Variants in GRM5 observed in about 807,000 individuals in gnomAD.
The protein encoded by GRM5 is glutamate metabotropic receptor 5, also known as metabotropic glutamate receptor 5.
A neutral mutation model predicts 83.1 loss-of-function variants in GRM5; 19 were observed. That is an observed-to-expected ratio of 0.23 (90% CI 0.16 to 0.34). GRM5 has a LOEUF of 0.34. Among genes scored for constraint, GRM5 ranks in the 10% least tolerant of loss-of-function variants. GRM5 has a pLI of 1.00. For missense variants in GRM5, 1,160 were observed against 1,588.3 expected, an observed-to-expected ratio of 0.73 and a Z score of 4.58; for synonymous variants, 675 against 633.6, an observed-to-expected ratio of 1.07 and a Z score of -0.98.
intron 2 of GRM5, among the ~76,000 whole-genome samples, chr11:88,992,277 C>T (rs1237952864): frequency 1.3e-5 from 2 of 152,044 alleles, no homozygotes; most frequent in Non-Finnish European, 2.9e-5. Context: ...TTCTCATCAT[C>T]ACTGGCCATC....
chr11:88,604,989 G>A (rs1241056370), intron 4 of GRM5, 25 bp from the exon 5 acceptor site: 2 of 1,594,986 alleles, frequency 1.3e-6, no homozygotes, highest in East Asian at 2.2e-5. Context: ...ATTAAGCATA[G>A]CTTTGAGGTA....
chr11:89,018,508 A>G lies in GRM5; in HGVS notation c.661+28704T>C, dbSNP rs546337069. ...TATTTGTTCTAACATTGATTTATTCAATATTTTTAAAAATTTATTCTACTA... is the reference window on the plus strand; with the variant it reads ...TATTTGTTCTAACATTGATTTATTCGATATTTTTAAAAATTTATTCTACTA... On this transcript the variant is annotated intron_variant, in intron 2 of 9. Transcript: ENST00000305447. Among the ~76,000 whole-genome samples the G allele has an allele frequency of 2.6e-5, 4 of 152,308 alleles. No homozygotes were observed. The South Asian group carries it at 8.3e-4, about 32-fold the overall frequency.
chr11:88,832,250 T>G (rs11021515), intron 3 of GRM5, among the ~76,000 whole-genome samples: 3,879 of 152,242 alleles, frequency 0.025, 172 homozygotes, highest in African/African-American at 0.089. Context: ...CAAAAACCTT[T>G]TAGATCTAAT....
At chr11:88,622,378 T>A (rs1376601037) in intron 4 of GRM5, among the ~76,000 whole-genome samples, 1 of 152,240 alleles carries the variant, frequency 6.6e-6, no homozygotes, top group Non-Finnish European at 1.5e-5. Context: ...TCTGACTCTT[T>A]CAACTATGCT....
chr11:88,653,999 A>G (rs1459776431), intron 3 of GRM5, among the ~76,000 whole-genome samples: 3 of 152,098 alleles, frequency 2.0e-5, no homozygotes, highest in Non-Finnish European at 4.4e-5. Context: ...TCCATAGTCC[A>G]TACACTATTT....
At chr11:88,763,128 G>A (rs559345990) in intron 3 of GRM5, among the ~76,000 whole-genome samples, 3 of 151,942 alleles carry the variant, frequency 2.0e-5, no homozygotes, top group South Asian at 2.1e-4. Context: ...CATGACACGA[G>A]TTTACCTATA....
chr11:88,989,507 G>A (rs372237893), intron 2 of GRM5, among the ~76,000 whole-genome samples: 2,036 of 128,244 alleles, frequency 0.016, 56 homozygotes, highest in African/African-American at 0.057. Flanking sequence ...TGCACCAAGC[G>A]GACCTAATAG....
intron 4 of GRM5, among the ~76,000 whole-genome samples, chr11:88,606,954 T>G (rs1033675804): frequency 4.0e-5 from 6 of 151,854 alleles, no homozygotes; most frequent in African/African-American, 1.5e-4. Context: ...TTTTTTTTTT[T>G]TTTTCAACAA....
intron 2 of GRM5, among the ~76,000 whole-genome samples, chr11:88,995,482 T>G (rs1199536922): frequency 1.4e-5 from 2 of 142,980 alleles, no homozygotes; most frequent in Non-Finnish European, 3.0e-5. Flanking sequence ...GAGGTAGAGG[T>G]TGCAATGAGC....
At chr11:88,820,593 C>T (rs1351365211) in intron 3 of GRM5, among the ~76,000 whole-genome samples, 1 of 152,132 alleles carries the variant, frequency 6.6e-6, no homozygotes, top group Non-Finnish European at 1.5e-5. Context: ...GGGCAAATAG[C>T]TTTGCCTCTC....
intron 7 of GRM5, among the ~76,000 whole-genome samples, chr11:88,584,491 T>G (rs1943274665): frequency 6.6e-6 from 1 of 152,162 alleles, no homozygotes; most frequent in Admixed American, 6.5e-5. Context: ...TGGAGTGCAG[T>G]GGCATGATCT....
chr11:88,648,819 T>C (rs1939540876), intron 4 of GRM5, among the ~76,000 whole-genome samples: 1 of 151,742 alleles, frequency 6.6e-6, no homozygotes. Context: ...AAGAAAAGAC[T>C]ACACAGAGAA....
chr11:88,866,246 C>A (rs1374042512), intron 2 of GRM5, among the ~76,000 whole-genome samples: 2 of 152,026 alleles, frequency 1.3e-5, no homozygotes, highest in Non-Finnish European at 2.9e-5. Context: ...AGTTCATGTC[C>A]TTTGCAGGCA....
intron 3 of GRM5, among the ~76,000 whole-genome samples, chr11:88,677,424 A>T (rs1475074954): frequency 6.6e-6 from 1 of 152,230 alleles, no homozygotes; most frequent in East Asian, 1.9e-4. Context: ...TACTCAGAAC[A>T]TTTCCTGGGA....
chr11:88,587,228 C>T (rs183254207), intron 7 of GRM5, among the ~76,000 whole-genome samples: 31 of 152,106 alleles, frequency 2.0e-4, no homozygotes, highest in African/African-American at 3.4e-4. Context: ...CTAAGTATAT[C>T]AAAGAAAGCT....
At chr11:88,784,835 A>C (rs1265664101) in intron 3 of GRM5, among the ~76,000 whole-genome samples, 1 of 152,038 alleles carries the variant, frequency 6.6e-6, no homozygotes, top group Non-Finnish European at 1.5e-5. Flanking sequence ...TGGGAATGTT[A>C]ATCTCTGGTC....
Position 88,789,308 on chromosome 11 carries a change from T to C in GRM5, c.911+60598A>G, listed in dbSNP as rs181341716. On this transcript the variant is annotated intron_variant, in intron 3 of 9. Coordinates refer to ENST00000305447, the MANE Select transcript of GRM5 (RefSeq NM_001143831.3). ...AGGAAATTGTGGGTGATGAGATCAA[T>C]TGTCAAGGTCTGGAGGCCAAGTTCC... Among the ~76,000 whole-genome samples, 218 of 151,996 alleles carry C rather than the reference T, an allele frequency of 1.4e-3. 1 individual carries two copies. The highest frequency in any genetic ancestry group is 1.1e-3 in the Non-Finnish European group (75 of 67,960).
At chr11:89,051,480 C>T (rs1248520624) in intron 1 of GRM5, among the ~76,000 whole-genome samples, 1 of 151,994 alleles carries the variant, frequency 6.6e-6, no homozygotes, top group Non-Finnish European at 1.5e-5. Flanking sequence ...GAGGCCGAGG[C>T]GGGCAGTTCA....
intron 8 of GRM5, among the ~76,000 whole-genome samples, chr11:88,546,351 T>C (rs962142656): frequency 6.6e-6 from 1 of 152,106 alleles, no homozygotes; most frequent in African/African-American, 2.4e-5. Context: ...CTTCATTTTA[T>C]CCTCAAAGCA....
Sources: allele counts gnomAD v4.1 joint callset (sites outside exome capture counted in the v4.1 genomes callset), GRCh38; gene constraint gnomAD v4.1.1; transcripts MANE v1.5; gene names NCBI Gene and HGNC (gene_info 2026-07-23, HGNC 2026-07-21).